The following CHD1L variants were observed in gnomAD, a reference collection of about 807,000 sequenced individuals.
CHD1L encodes the protein ATP-dependent chromatin remodeler CHD1L.
Under a neutral mutation model 115.9 loss-of-function variants are expected in CHD1L, and 118 were observed. The observed-to-expected ratio is 1.02, with a 90% confidence interval of 0.88 to 1.19. CHD1L has a LOEUF of 1.19. Among genes scored for constraint, CHD1L ranks in the 50% most tolerant of loss-of-function variants. The probability of loss-of-function intolerance (pLI) is 0.00; values close to 1 mark genes in which losing one functional copy is unlikely to be tolerated. For synonymous variants in CHD1L, 411 were observed against 387.1 expected, an observed-to-expected ratio of 1.06 and a Z score of -0.72; for missense variants, 1,179 against 1,065.3, an observed-to-expected ratio of 1.11 and a Z score of -1.49.
chr1:147,256,812 C>A (rs587714411), intron 5 of CHD1L, among the ~76,000 whole-genome samples: 36 of 152,292 alleles, frequency 2.4e-4, no homozygotes, highest in Admixed American at 3.3e-4. Flanking sequence ...ATAATTGTTT[C>A]TTACCTCAAA....
the CHD1L span, among the ~76,000 whole-genome samples, chr1:147,228,824 T>G: frequency 6.6e-6 from 1 of 152,366 alleles, no homozygotes; most frequent in African/African-American, 2.4e-5. Context: ...GAAGTGTCTC[T>G]TCATTTCCTT....
the CHD1L span, chr1:147,203,573 T>G: frequency 9.8e-7 from 1 of 1,018,526 alleles, no homozygotes; most frequent in African/African-American, 1.6e-5. Context: ...CCAGAGTATT[T>G]CTGCCAGTGC....
Position 147,242,724 on chromosome 1 carries a change from T to TAGCCGCGGGGGCCA in CHD1L, c.26_39dup (p.Pro14AlafsTer33), listed in dbSNP as rs1553931755. The stretch of plus-strand genomic sequence containing the variant: ...GCCCGATGGAGCGCGCGGGCGCTAC[T>TAGCCGCGGGGGCCA]AGCCGCGGGGGCCAAGCCCCTGGCT... On this transcript the variant is annotated frameshift_variant, in exon 1 of 23. Coordinates refer to ENST00000369258, the MANE Select transcript of CHD1L (RefSeq NM_004284.6). LOFTEE classifies it high-confidence loss of function. The TAGCCGCGGGGGCCA allele has an allele frequency of 2.4e-6, 3 of 1,258,320 alleles. No homozygotes were observed. Among genetic ancestry groups the TAGCCGCGGGGGCCA allele is most frequent in the Non-Finnish European group, 3.0e-6 (3 of 996,768 alleles). 77.9% of individuals were successfully genotyped at this position (1,258,320 alleles called of 1,614,324 possible).
the CHD1L span, chr1:147,186,337 T>C: frequency 2.0e-6 from 2 of 978,058 alleles, no homozygotes; most frequent in Non-Finnish European, 1.2e-6. Flanking sequence ...ATGTTTCAAG[T>C]ACACTAGTGA....
intron 1 of CHD1L, among the ~76,000 whole-genome samples, chr1:147,249,554 C>T (rs1396560662): frequency 2.0e-5 from 3 of 151,614 alleles, no homozygotes; most frequent in Non-Finnish European, 4.4e-5. Flanking sequence ...TACAGGCACC[C>T]GCCACCACGC....
chr1:147,273,587 TGAAA>T (rs1237482248), intron 12 of CHD1L, among the ~76,000 whole-genome samples: 1 of 152,232 alleles, frequency 6.6e-6, no homozygotes, highest in Admixed American at 6.5e-5. Context: ...CAGGAGAAAC[TGAAA>T]GAATCAGGCA....
intron 15 of CHD1L, among the ~76,000 whole-genome samples, chr1:147,281,900 C>G (rs587748268): frequency 3.3e-4 from 50 of 152,264 alleles, no homozygotes; most frequent in African/African-American, 1.2e-3. Flanking sequence ...ATCATTAAAT[C>G]TAGCTAATGA....
the CHD1L span, among the ~76,000 whole-genome samples, chr1:147,183,527 A>T: frequency 6.6e-6 from 1 of 152,242 alleles, no homozygotes; most frequent in African/African-American, 2.4e-5. Context: ...AGGTGAGAGA[A>T]CCAAATATTG....
At chr1:147,186,200 T>G in the CHD1L span, 1 of 460,324 alleles carries the variant, frequency 2.2e-6, no homozygotes, top group Non-Finnish European at 2.9e-6. Flanking sequence ...CCCAAAATTC[T>G]CAACCAAGTT....
chr1:147,222,670 C>T, the CHD1L span, among the ~76,000 whole-genome samples: 2 of 152,082 alleles, frequency 1.3e-5, no homozygotes, highest in African/African-American at 4.8e-5. Context: ...GAAGTCAGAG[C>T]GTTATGATGA....
intron 19 of CHD1L, 81 bp downstream of exon 19, chr1:147,287,814 C>T: frequency 4.4e-6 from 5 of 1,139,118 alleles, no homozygotes; most frequent in South Asian, 1.4e-5. Flanking sequence ...GAGGGTTACA[C>T]AGCACTAGAT....
At chr1:147,206,337 A>G in the CHD1L span, among the ~76,000 whole-genome samples, 2,412 of 152,302 alleles carry the variant, frequency 0.016, 71 homozygotes, top group African/African-American at 0.056. Flanking sequence ...AACTAGTTCA[A>G]CCATTGTGGA....
intron 12 of CHD1L, among the ~76,000 whole-genome samples, chr1:147,272,764 T>A (rs1378098559): frequency 6.6e-6 from 1 of 152,206 alleles, no homozygotes; most frequent in Non-Finnish European, 1.5e-5. Flanking sequence ...ATTTATGACA[T>A]CATCCATATA....
At chr1:147,283,876 G>A (rs12035947) in intron 15 of CHD1L, among the ~76,000 whole-genome samples, 103,577 of 152,008 alleles carry the variant, frequency 0.68, 35,392 homozygotes, top group African/African-American at 0.71. Flanking sequence ...GGATCATGAC[G>A]AAGACGCTTG....
At chr1:147,273,168 A>C (rs782821068) in intron 12 of CHD1L, among the ~76,000 whole-genome samples, 7 of 152,234 alleles carry the variant, frequency 4.6e-5, no homozygotes, top group Non-Finnish European at 8.8e-5. Context: ...GCACCACTAC[A>C]TTCCAGCCTA....
chr1:147,185,005 A>C, the CHD1L span, among the ~76,000 whole-genome samples: 1 of 152,110 alleles, frequency 6.6e-6, no homozygotes, highest in Non-Finnish European at 1.5e-5. Context: ...ATCGACTTTA[A>C]AATAATTAGG....
the CHD1L span, among the ~76,000 whole-genome samples, chr1:147,220,326 T>A: frequency 6.6e-6 from 1 of 152,330 alleles, no homozygotes; most frequent in African/African-American, 2.4e-5. Context: ...GATATTCTGA[T>A]TCATAGACTA....
At chr1:147,178,336 A>G in the CHD1L span, 2 of 1,612,648 alleles carry the variant, frequency 1.2e-6, no homozygotes, top group Non-Finnish European at 1.7e-6. Context: ...TACCAGATTA[A>G]AAGGAATAGT....
At chr1:147,222,094 G>C in the CHD1L span, among the ~76,000 whole-genome samples, 2,987 of 152,304 alleles carry the variant, frequency 0.02, 93 homozygotes, top group African/African-American at 0.068. Context: ...GAGAGGCTAG[G>C]CACGGTGGCT....
Sources: gnomAD v4.1 joint callset for allele counts (sites outside exome capture counted in the v4.1 genomes callset) on GRCh38, gnomAD v4.1.1 for gene constraint, MANE v1.5 for transcripts, NCBI Gene and HGNC (gene_info 2026-07-23, HGNC 2026-07-21) for gene names.